NLGN1: variants seen among roughly 807,000 people sequenced by gnomAD.
NLGN1 encodes the protein neuroligin 1.
Under a neutral mutation model 65.5 loss-of-function variants are expected in NLGN1, and 12 were observed. The observed-to-expected ratio is 0.18, with a 90% CI of 0.12 to 0.30. The LOEUF is 0.30. Among genes scored for constraint, NLGN1 ranks in the 10% least tolerant of loss-of-function variants. The probability of loss-of-function intolerance (pLI) is 1.00; values close to 1 mark genes in which losing one functional copy is unlikely to be tolerated. For synonymous variants in NLGN1, 350 were observed against 359.5 expected, an observed-to-expected ratio of 0.97 and a Z score of 0.30; for missense variants, 750 against 1,007.1, an observed-to-expected ratio of 0.74 and a Z score of 3.46.
intron 4 of NLGN1, among the ~76,000 whole-genome samples, chr3:173,814,578 A>G (rs1270029092): frequency 6.6e-6 from 1 of 152,202 alleles, no homozygotes; most frequent in Non-Finnish European, 1.5e-5. Flanking sequence ...AACAGAAACA[A>G]TCTGAAAGTA....
chr3:174,245,032 G>A, intron 4 of NLGN1, among the ~76,000 whole-genome samples: 1 of 152,108 alleles, frequency 6.6e-6, no homozygotes, highest in Admixed American at 6.5e-5. Context: ...CTAGAAATTA[G>A]AGGGAGACTG....
chr3:174,024,985 G>T (rs28662080), intron 4 of NLGN1, among the ~76,000 whole-genome samples: 1 of 152,112 alleles, frequency 6.6e-6, no homozygotes, highest in Non-Finnish European at 1.5e-5. Context: ...TTTTTCATGA[G>T]CCCAGGCTGT....
intron 2 of NLGN1, among the ~76,000 whole-genome samples, chr3:173,562,885 C>A (rs1024997604): frequency 2.0e-5 from 3 of 152,148 alleles, no homozygotes; most frequent in Non-Finnish European, 2.9e-5. Flanking sequence ...GCTAAGGACA[C>A]AATAACTTTC....
chr3:174,195,708 G>T (rs1733282380), intron 4 of NLGN1, among the ~76,000 whole-genome samples: 1 of 152,154 alleles, frequency 6.6e-6, no homozygotes, highest in African/African-American at 2.4e-5. Context: ...TAAGTTGGAA[G>T]AGATGCCGCT....
intron 1 of NLGN1, among the ~76,000 whole-genome samples, chr3:173,434,210 T>C (rs931941075): frequency 6.6e-6 from 1 of 152,228 alleles, no homozygotes; most frequent in Non-Finnish European, 1.5e-5. Flanking sequence ...ACTCAAAATA[T>C]TTTCTCAAGT....
At chr3:174,016,883 ATT>A (rs370488921) in intron 4 of NLGN1, among the ~76,000 whole-genome samples, 1 of 152,106 alleles carries the variant, frequency 6.6e-6, no homozygotes, top group Non-Finnish European at 1.5e-5. Flanking sequence ...CTGGAGGTTT[ATT>A]TTTGCCAGAA....
intron 3 of NLGN1, among the ~76,000 whole-genome samples, chr3:173,775,831 A>G (rs903523454): frequency 3.3e-5 from 5 of 152,140 alleles, no homozygotes; most frequent in African/African-American, 1.2e-4. Context: ...TCCCCATTAC[A>G]TTGTTACAGA....
chr3:173,719,987 G>A (rs955968769), intron 3 of NLGN1, among the ~76,000 whole-genome samples: 2 of 152,022 alleles, frequency 1.3e-5, no homozygotes, highest in African/African-American at 2.4e-5. Flanking sequence ...GGTGGCACAC[G>A]TCTATAGTCC....
chr3:174,269,607 G>A (rs1238091934), intron 4 of NLGN1, among the ~76,000 whole-genome samples: 1 of 151,654 alleles, frequency 6.6e-6, no homozygotes, highest in Non-Finnish European at 1.5e-5. Flanking sequence ...TGAACACTTG[G>A]GTTGCTTCCT....
At chr3:173,927,365 T>C (rs576951728) in intron 4 of NLGN1, among the ~76,000 whole-genome samples, 6 of 152,220 alleles carry the variant, frequency 3.9e-5, no homozygotes, top group Admixed American at 3.9e-4. Context: ...CCAGCCAAAT[T>C]GCCTCATTTT....
chr3:173,781,086 C>T (rs918322962), intron 3 of NLGN1, among the ~76,000 whole-genome samples: 4 of 148,306 alleles, frequency 2.7e-5, no homozygotes, highest in African/African-American at 5.0e-5. Context: ...TGGAGCTTGC[C>T]GTGAGCCAAG....
chr3:173,832,187 C>T (rs1162976182), intron 4 of NLGN1, among the ~76,000 whole-genome samples: 3 of 151,638 alleles, frequency 2.0e-5, no homozygotes, highest in African/African-American at 7.3e-5. Flanking sequence ...TGGTCTTGAA[C>T]TCCTGGGCTC....
At chr3:173,932,584 A>G (rs1744301823) in intron 4 of NLGN1, among the ~76,000 whole-genome samples, 1 of 152,164 alleles carries the variant, frequency 6.6e-6, no homozygotes, top group South Asian at 2.1e-4. Context: ...TAGCTTTAAT[A>G]CTATTGCTCA....
chr3:173,754,887 T>G (rs1282782406), intron 3 of NLGN1, among the ~76,000 whole-genome samples: 2 of 152,108 alleles, frequency 1.3e-5, no homozygotes, highest in African/African-American at 4.8e-5. Flanking sequence ...TACACTTTAT[T>G]TAATTTATAC....
At chr3:173,635,161 T>C (rs1756380604) in intron 3 of NLGN1, among the ~76,000 whole-genome samples, 1 of 152,180 alleles carries the variant, frequency 6.6e-6, no homozygotes, top group African/African-American at 2.4e-5. Flanking sequence ...GAGTATTTTA[T>C]GTTCCCACCT....
intron 3 of NLGN1, among the ~76,000 whole-genome samples, chr3:173,657,345 G>C (rs1478965693): frequency 1.3e-5 from 2 of 151,924 alleles, no homozygotes; most frequent in African/African-American, 4.8e-5. Context: ...AATTGAATTG[G>C]TTTTTGACCT....
In NLGN1 at chr3:174,241,909, T is replaced by C. The variant is rs555214300; in HGVS notation, c.647-33406T>C. Among the ~76,000 whole-genome samples, 50 of 152,042 alleles carry C rather than the reference T, an allele frequency of 3.3e-4. 1 individual carries two copies. Among genetic ancestry groups the C allele is most frequent in the Non-Finnish European group, 3.2e-4 (22 of 67,978 alleles). On this transcript the variant is annotated intron_variant, in intron 4 of 6. Transcript: ENST00000457714. ...TCCTGACCTCGTGATCCGCCCGCCT[T>C]GGCCTCCCAAAGTGCTAGGATTACA...
At chr3:173,836,775 C>G (rs1328484203) in intron 4 of NLGN1, among the ~76,000 whole-genome samples, 1 of 152,178 alleles carries the variant, frequency 6.6e-6, no homozygotes, top group Non-Finnish European at 1.5e-5. Context: ...TTCACAAAGT[C>G]TGGTACAATC....
chr3:173,728,038 T>C (rs1772097665), intron 3 of NLGN1, among the ~76,000 whole-genome samples: 1 of 151,986 alleles, frequency 6.6e-6, no homozygotes, highest in South Asian at 2.1e-4. Flanking sequence ...TATGAACTGA[T>C]ATGAAAAAAA....
Sources: gnomAD v4.1 joint callset for allele counts (sites outside exome capture counted in the v4.1 genomes callset) on GRCh38, gnomAD v4.1.1 for gene constraint, MANE v1.5 for transcripts, NCBI Gene and HGNC (gene_info 2026-07-23, HGNC 2026-07-21) for gene names.